Variants in PPP6R3 observed in about 807,000 individuals in gnomAD.
PPP6R3 encodes the protein protein phosphatase 6 regulatory subunit 3.
A neutral mutation model predicts 110.7 loss-of-function variants in PPP6R3; 38 were observed. The observed-to-expected ratio is 0.34, with a 90% CI of 0.26 to 0.45. The LOEUF (loss-of-function observed/expected upper bound fraction) is 0.45, where lower values mean the gene tolerates loss of function less well. Among genes scored for constraint, PPP6R3 ranks in the 20% least tolerant of loss-of-function variants. The probability of loss-of-function intolerance (pLI) is 1.00; values close to 1 mark genes in which losing one functional copy is unlikely to be tolerated. For synonymous variants in PPP6R3, 369 were observed against 373.5 expected (o/e 0.99, Z 0.14); for missense variants, 870 against 1,062.4 (o/e 0.82, Z 2.52).
intron 15 of PPP6R3, among the ~76,000 whole-genome samples, chr11:68,585,073 G>A (rs2099573955): frequency 6.6e-6 from 1 of 152,222 alleles, no homozygotes; most frequent in Non-Finnish European, 1.5e-5. Flanking sequence ...AATGTAGAGA[G>A]CTCAGGGCAG....
intron 2 of PPP6R3, among the ~76,000 whole-genome samples, chr11:68,530,330 A>G (rs542987326): frequency 1.3e-5 from 2 of 152,120 alleles, no homozygotes; most frequent in Non-Finnish European, 2.9e-5. Flanking sequence ...ATGTCTTTGT[A>G]TAAGATTGTG....
chr11:68,591,495 A>G, intron 17 of PPP6R3, 81 bp from the exon 18 acceptor site: 2 of 1,347,980 alleles, frequency 1.5e-6, no homozygotes, highest in African/African-American at 1.5e-5. Flanking sequence ...GAAAAAATGC[A>G]ATTTACATTG....
At chr11:68,529,616 A>G (rs897612672) in intron 2 of PPP6R3, among the ~76,000 whole-genome samples, 1 of 152,220 alleles carries the variant, frequency 6.6e-6, no homozygotes, top group Non-Finnish European at 1.5e-5. Flanking sequence ...TTATTTCAAG[A>G]TGAAGGATTT....
chr11:68,565,947 G>A (rs1393123751), intron 9 of PPP6R3, among the ~76,000 whole-genome samples: 1 of 152,172 alleles, frequency 6.6e-6, no homozygotes, highest in Non-Finnish European at 1.5e-5. Flanking sequence ...CAGAGGGAGT[G>A]AGGCTACTGA....
At chr11:68,471,962 A>G (rs1290524070) in intron 1 of PPP6R3, among the ~76,000 whole-genome samples, 2 of 151,902 alleles carry the variant, frequency 1.3e-5, no homozygotes, top group African/African-American at 2.4e-5. Context: ...GTCAGTGAGA[A>G]TGAGGGGGTG....
At chr11:68,488,987 T>C (rs539764275) in intron 1 of PPP6R3, 2 of 152,270 alleles carry the variant, frequency 1.3e-5, no homozygotes, top group South Asian at 4.1e-4. Flanking sequence ...GTTGTATTAA[T>C]ATCTGTGATA....
chr11:68,581,133 A>T (rs1367627676), intron 14 of PPP6R3, among the ~76,000 whole-genome samples: 2 of 152,142 alleles, frequency 1.3e-5, no homozygotes, highest in Non-Finnish European at 2.9e-5. Context: ...TGTAGGTAGA[A>T]TCAGACTCAC....
chr11:68,551,225 A>G, intron 6 of PPP6R3, 39 bp downstream of exon 6: 2 of 1,461,338 alleles, frequency 1.4e-6, no homozygotes, highest in Non-Finnish European at 1.9e-6. Flanking sequence ...GATTAGAAAA[A>G]AAAAACAAAA....
chr11:68,491,649 C>T (rs912383033), intron 1 of PPP6R3, among the ~76,000 whole-genome samples: 1 of 152,062 alleles, frequency 6.6e-6, no homozygotes, highest in African/African-American at 2.4e-5. Flanking sequence ...CAGTCCCAGC[C>T]CATTTTAACT....
At chr11:68,576,157 A>C in intron 14 of PPP6R3, 114 bp downstream of exon 14, 2 of 747,090 alleles carry the variant, frequency 2.7e-6, no homozygotes, top group Non-Finnish European at 4.3e-6. Flanking sequence ...GCCAAAGATA[A>C]ATTCTTATCT....
chr11:68,515,234 T>TG (rs1406904224), intron 1 of PPP6R3: 3 of 153,286 alleles, frequency 2.0e-5, no homozygotes, highest in African/African-American at 7.2e-5. Flanking sequence ...CAAACTCTGC[T>TG]GGGGGCTGCA....
At chr11:68,564,779 T>C (rs2099452259) in intron 9 of PPP6R3, among the ~76,000 whole-genome samples, 1 of 152,266 alleles carries the variant, frequency 6.6e-6, no homozygotes, top group Non-Finnish European at 1.5e-5. Context: ...GTTTTCTTAC[T>C]CAGAGTTGGA....
chr11:68,508,121 CTT>C (rs748376581), intron 1 of PPP6R3, among the ~76,000 whole-genome samples: 2,979 of 77,304 alleles, frequency 0.039, 5 homozygotes, highest in Middle Eastern at 0.06. Flanking sequence ...GTTTTTTGGC[CTT>C]TTTTTTTTTT....
At chr11:68,578,979 GAAA>G (rs2099542627) in intron 14 of PPP6R3, among the ~76,000 whole-genome samples, 1 of 152,192 alleles carries the variant, frequency 6.6e-6, no homozygotes, top group Admixed American at 6.5e-5. Context: ...TACTGACTTT[GAAA>G]AATTTGAGTT....
At chr11:68,512,572 T>C (rs2099116133) in intron 1 of PPP6R3, among the ~76,000 whole-genome samples, 3 of 152,240 alleles carry the variant, frequency 2.0e-5, no homozygotes. Context: ...ACGGAACTAT[T>C]ACCTTGTTAT....
intron 20 of PPP6R3, 107 bp downstream of exon 20, chr11:68,600,601 T>C: frequency 1.2e-5 from 15 of 1,267,522 alleles, no homozygotes; most frequent in Non-Finnish European, 1.6e-5. Context: ...CCAAGTTGAA[T>C]ATACTGCCCT....
intron 11 of PPP6R3, among the ~76,000 whole-genome samples, chr11:68,570,439 C>T (rs1241060440): frequency 6.6e-6 from 1 of 152,138 alleles, no homozygotes; most frequent in Non-Finnish European, 1.5e-5. Context: ...TACTCGCAAA[C>T]CTAAAATGTA....
intron 1 of PPP6R3, among the ~76,000 whole-genome samples, chr11:68,509,697 C>T (rs941963005): frequency 2.0e-5 from 3 of 151,320 alleles, no homozygotes; most frequent in Non-Finnish European, 4.4e-5. Flanking sequence ...TTGAAACATC[C>T]GCCCCTTGAG....
chr11:68,500,082 A>G (rs531661627), intron 1 of PPP6R3, among the ~76,000 whole-genome samples: 136 of 152,274 alleles, frequency 8.9e-4, no homozygotes, highest in African/African-American at 2.9e-3. Flanking sequence ...TGCTTCTTCT[A>G]TAAATATGTT....
Sources: allele counts gnomAD v4.1 joint callset (sites outside exome capture counted in the v4.1 genomes callset), GRCh38; gene constraint gnomAD v4.1.1; transcripts MANE v1.5; gene names NCBI Gene and HGNC (gene_info 2026-07-23, HGNC 2026-07-21).